Variants in FGF7 observed in about 807,000 individuals in gnomAD.
FGF7 encodes fibroblast growth factor 7.
In FGF7, 6 loss-of-function variants were observed where a neutral mutation model predicts 20.5. The ratio of observed to expected loss-of-function variants is 0.29; its 90% CI spans 0.16 to 0.58. FGF7 has a LOEUF of 0.58. Among genes scored for constraint, FGF7 ranks in the 20% least tolerant of loss-of-function variants. The probability of loss-of-function intolerance (pLI) is 0.90; values close to 1 mark genes in which losing one functional copy is unlikely to be tolerated. For missense variants in FGF7, 144 were observed against 228.8 expected (o/e 0.63, Z 2.39); for synonymous variants, 64 against 74.7 (o/e 0.86, Z 0.74).
chr15:49,471,279 G>A lies in FGF7; in HGVS notation c.287-11872G>A, dbSNP rs931550200. 6.6e-5 allele frequency among the ~76,000 whole-genome samples: 10 copies of A among 151,518 alleles called. 1 individual carries two copies. Among genetic ancestry groups the A allele is most frequent in the Admixed American group, 6.6e-4 (10 of 15,204 alleles). ...GGTGGGTGGATCACCTAGGTCAGGA[G>A]TTCGAGACTAGCCTGGCTAACATGG... On this transcript the variant is annotated intron_variant, in intron 2 of 3. Coordinates refer to ENST00000267843, the MANE Select transcript of FGF7 (RefSeq NM_002009.4).
At chr15:49,474,795 T>C (rs1389614531) in intron 2 of FGF7, among the ~76,000 whole-genome samples, 5 of 152,192 alleles carry the variant, frequency 3.3e-5, no homozygotes, top group Middle Eastern at 3.4e-3. Context: ...GTGAACTGCA[T>C]ATGCCAGGGA....
intron 2 of FGF7, among the ~76,000 whole-genome samples, chr15:49,479,644 G>C (rs2055735439): frequency 9.5e-6 from 1 of 104,714 alleles, no homozygotes; most frequent in Non-Finnish European, 1.7e-5. Flanking sequence ...ATGGAGTCTA[G>C]CTCTTGTTGT....
chr15:49,481,430 TACCAAATAGAGTGCTCTA>T (rs1365916679), intron 2 of FGF7, among the ~76,000 whole-genome samples: 1 of 152,226 alleles, frequency 6.6e-6, no homozygotes, highest in Non-Finnish European at 1.5e-5. Flanking sequence ...AAGTTGTAGT[TACCAAATAGAGTGCTCTA>T]AAAGGGCAAG....
chr15:49,423,985 C>T, intron 1 of FGF7, 47 bp from the exon 2 acceptor site: 3 of 244,510 alleles, frequency 1.2e-5, no homozygotes, highest in African/African-American at 2.2e-5. Context: ...AATTTTTTAT[C>T]TTCCTCTCTC....
At chr15:49,425,619 T>G (rs1002344890) in intron 2 of FGF7, 2 of 151,978 alleles carry the variant, frequency 1.3e-5, no homozygotes, top group Non-Finnish European at 2.9e-5. Context: ...GTGCCAGGCT[T>G]GCAGCAATTA....
Position 49,438,474 on chromosome 15 carries a change from G to C in FGF7, c.286+13891G>C, listed in dbSNP as rs181670171. On this transcript the variant is annotated intron_variant, in intron 2 of 3. Coordinates refer to ENST00000267843, the MANE Select transcript of FGF7 (RefSeq NM_002009.4). ...AGATTGTCAATTGCAGAAGAGAAAA[G>C]GGAGAAAAGTAGGCTAGAAAATTCA... Among the ~76,000 whole-genome samples, 19 of 151,810 alleles carry C rather than the reference G, an allele frequency of 1.3e-4. No homozygotes were observed. In the East Asian group the frequency reaches 1.6e-3, roughly 12 times the overall value.
intron 2 of FGF7, among the ~76,000 whole-genome samples, chr15:49,436,780 T>C (rs1046503511): frequency 1.3e-5 from 2 of 151,580 alleles, no homozygotes; most frequent in Non-Finnish European, 3.0e-5. Context: ...TATCATCACA[T>C]GTATCACTAT....
At chr15:49,445,597 T>C (rs1267248332) in intron 2 of FGF7, among the ~76,000 whole-genome samples, 2 of 151,586 alleles carry the variant, frequency 1.3e-5, no homozygotes, top group Admixed American at 1.3e-4. Context: ...CCTGCTCTGA[T>C]CACTATACAC....
intron 2 of FGF7, among the ~76,000 whole-genome samples, chr15:49,441,722 C>G (rs1016374808): frequency 1.7e-4 from 26 of 151,534 alleles, no homozygotes; most frequent in African/African-American, 5.8e-4. Flanking sequence ...TTATTTTATT[C>G]ATAATTCTTA....
In FGF7 at chr15:49,487,753, T is replaced by A. The variant is rs2152038708; in HGVS notation, c.*3249T>A. ...CACCACAGACGGAACATTTCTTTTC[T>A]CTTAAGACTCATGTGATTTTTGCAT... On this transcript the variant is annotated 3_prime_UTR_variant, in exon 4 of 4. Coordinates refer to ENST00000267843, the MANE Select transcript of FGF7 (RefSeq NM_002009.4). 1 of 152,102 alleles carries A rather than the reference T, an allele frequency of 6.6e-6. No homozygotes were observed. The highest frequency in any genetic ancestry group is 2.1e-4 in the South Asian group (1 of 4,834). 9.4% of individuals were successfully genotyped at this position (152,102 alleles called of 1,614,324 possible).
chr15:49,444,907 T>C (rs1228657093), intron 2 of FGF7, among the ~76,000 whole-genome samples: 2 of 151,670 alleles, frequency 1.3e-5, no homozygotes, highest in African/African-American at 4.8e-5. Flanking sequence ...CATCTCAGAA[T>C]ACTGGTAATT....
At chr15:49,468,438 C>A (rs889883887) in intron 2 of FGF7, among the ~76,000 whole-genome samples, 3 of 152,082 alleles carry the variant, frequency 2.0e-5, no homozygotes, top group African/African-American at 7.2e-5. Context: ...TTTCTAATTT[C>A]TTTTAGTGTA....
chr15:49,467,349 C>T (rs2054359645), intron 2 of FGF7, among the ~76,000 whole-genome samples: 1 of 152,066 alleles, frequency 6.6e-6, no homozygotes, highest in Admixed American at 6.5e-5. Flanking sequence ...TCTTCTAGCC[C>T]CATCAAATTC....
chr15:49,447,023 G>A (rs2052284162), intron 2 of FGF7, among the ~76,000 whole-genome samples: 1 of 151,388 alleles, frequency 6.6e-6, no homozygotes, highest in Non-Finnish European at 1.5e-5. Flanking sequence ...TTGGGGGTGC[G>A]GGAACTCATC....
chr15:49,470,697 T>G (rs548011852), intron 2 of FGF7, among the ~76,000 whole-genome samples: 1 of 152,340 alleles, frequency 6.6e-6, no homozygotes, highest in East Asian at 1.9e-4. Flanking sequence ...TGTGTAAATG[T>G]GATAGAAATA....
intron 2 of FGF7, among the ~76,000 whole-genome samples, chr15:49,431,639 C>T: frequency 6.6e-6 from 1 of 151,534 alleles, no homozygotes; most frequent in Non-Finnish European, 1.5e-5. Context: ...GTCATGAGTA[C>T]TTGATAGAGT....
chr15:49,467,371 A>C (rs1347342887), intron 2 of FGF7, among the ~76,000 whole-genome samples: 1 of 152,098 alleles, frequency 6.6e-6, no homozygotes, highest in Non-Finnish European at 1.5e-5. Context: ...GCTCTCAGAG[A>C]AGGTATAGTC....
At chr15:49,479,450 C>T (rs1205270406) in intron 2 of FGF7, among the ~76,000 whole-genome samples, 1 of 151,914 alleles carries the variant, frequency 6.6e-6, no homozygotes, top group Non-Finnish European at 1.5e-5. Flanking sequence ...TGTGAGGCAA[C>T]GGATACACTG....
chr15:49,457,899 T>C (rs184339784), intron 2 of FGF7, among the ~76,000 whole-genome samples: 9 of 152,136 alleles, frequency 5.9e-5, no homozygotes, highest in Admixed American at 3.9e-4. Context: ...GTGCTAATTT[T>C]AGCACAAGTT....
Sources: gnomAD v4.1 joint callset for allele counts (sites outside exome capture counted in the v4.1 genomes callset) on GRCh38, gnomAD v4.1.1 for gene constraint, MANE v1.5 for transcripts, NCBI Gene and HGNC (gene_info 2026-07-23, HGNC 2026-07-21) for gene names.